PRDM16: variants seen among roughly 807,000 people sequenced by gnomAD.
The protein encoded by PRDM16 is PR/SET domain 16.
In PRDM16, 23 loss-of-function variants were observed where a neutral mutation model predicts 110.6. The observed-to-expected ratio is 0.21, with a 90% CI of 0.15 to 0.29. The LOEUF is 0.29. Among genes scored for constraint, PRDM16 ranks in the 10% least tolerant of loss-of-function variants. PRDM16 has a pLI of 1.00. For missense variants in PRDM16, 1,615 were observed against 1,794.3 expected, an observed-to-expected ratio of 0.90 and a Z score of 1.81; for synonymous variants, 799 against 781.8, an observed-to-expected ratio of 1.02 and a Z score of -0.37.
chr1:3,164,876 G>T (rs552894316), intron 1 of PRDM16, among the ~76,000 whole-genome samples: 1 of 152,278 alleles, frequency 6.6e-6, no homozygotes, highest in Admixed American at 6.5e-5. Context: ...GGGAGATGCA[G>T]GTGGGAAGGC....
At chr1:3,236,087 C>T (rs888635365) in intron 2 of PRDM16, among the ~76,000 whole-genome samples, 2 of 152,060 alleles carry the variant, frequency 1.3e-5, no homozygotes, top group African/African-American at 4.8e-5. Context: ...TCCCTGCAGG[C>T]GCCACCCTCC....
intron 3 of PRDM16, among the ~76,000 whole-genome samples, chr1:3,335,044 A>G (rs1327844085): frequency 6.6e-6 from 1 of 152,254 alleles, no homozygotes; most frequent in Non-Finnish European, 1.5e-5. Context: ...GGGCACAGCC[A>G]GAGAGGACGG....
rs1642047091 is a variant in PRDM16 at position 3,331,818 on chromosome 1, T to A, written c.439-53334T>A. Among the ~76,000 whole-genome samples the A allele has an allele frequency of 3.3e-5, 5 of 152,210 alleles. No homozygotes were observed. In the South Asian group the frequency reaches 1.0e-3, roughly 32 times the overall value. The stretch of plus-strand genomic sequence containing the variant: ...TAGTAGGCTCCCCGCTCGGGTGGAA[T>A]GGCTGTGAGCTGTGGCCCGGCCCCG... On this transcript the variant is annotated intron_variant, in intron 3 of 16. Transcript: ENST00000270722.
chr1:3,381,599 C>A (rs1165682044), intron 3 of PRDM16, among the ~76,000 whole-genome samples: 1 of 152,052 alleles, frequency 6.6e-6, no homozygotes, highest in Non-Finnish European at 1.5e-5. Flanking sequence ...CCATGTTGGC[C>A]AGCCTGGTCT....
intron 3 of PRDM16, among the ~76,000 whole-genome samples, chr1:3,247,015 G>A (rs2455098): frequency 0.019 from 2,871 of 152,212 alleles, 85 homozygotes; most frequent in African/African-American, 0.063. Context: ...TGTGCGCACC[G>A]CGGTGCTGTT....
At chr1:3,387,883 T>C (rs1643229036) in intron 4 of PRDM16, among the ~76,000 whole-genome samples, 1 of 152,256 alleles carries the variant, frequency 6.6e-6, no homozygotes, top group African/African-American at 2.4e-5. Flanking sequence ...AGGACATGAC[T>C]TTTAGCAATG....
Position 3,080,796 on chromosome 1 carries a change from C to T in PRDM16, c.37+11500C>T, listed in dbSNP as rs1020429263. ...CCGGGGAAATCTGAGCAGCCACAGG[C>T]GAATCTGGGACGATGGCAGATTGTT... On this transcript the variant is annotated intron_variant, in intron 1 of 16. Coordinates refer to ENST00000270722, the MANE Select transcript of PRDM16 (RefSeq NM_022114.4). The surrounding 1 kb of genome is among the most constrained non-coding windows in gnomAD (Gnocchi z 5.2). 6.6e-5 allele frequency among the ~76,000 whole-genome samples: 10 copies of T among 152,078 alleles called. No individual in the cohort carries two copies. The highest frequency in any genetic ancestry group is 2.4e-4 in the African/African-American group (10 of 41,388).
In PRDM16 at chr1:3,069,310, G is replaced by C. The variant is rs762339046; in HGVS notation, c.37+14G>C. The C allele has an allele frequency of 7.2e-7, 1 of 1,388,032 alleles. No homozygotes were observed. The highest frequency in any genetic ancestry group is 2.4e-4 in the Middle Eastern group (1 of 4,180). The allele number at this position is 1,388,032 out of a possible 1,614,324, so 86.0% of individuals were successfully genotyped here. On this transcript the variant is annotated intron_variant, in intron 1 of 16. Coordinates refer to ENST00000270722, the MANE Select transcript of PRDM16 (RefSeq NM_022114.4). The surrounding 1 kb of genome is among the most constrained non-coding windows in gnomAD (Gnocchi z 6.1). ...AGCTAGCCAAAAGTAAGTCTCCCGC[G>C]CTCGGCCGCGCCGCGCCGCCGGGGC...
intron 2 of PRDM16, among the ~76,000 whole-genome samples, chr1:3,231,794 G>A (rs901344646): frequency 9.9e-5 from 15 of 152,170 alleles, no homozygotes; most frequent in African/African-American, 1.7e-4. Flanking sequence ...TGGAAATCAC[G>A]GGCAGAGCGG....
In PRDM16 at chr1:3,435,052, G is replaced by C. The variant is rs763314842; in HGVS notation, c.*1241G>C. The C allele has an allele frequency of 8.8e-6, 2 of 227,156 alleles. No individual in the cohort carries two copies. The highest frequency in any genetic ancestry group is 1.8e-5 in the Non-Finnish European group (2 of 114,254). 14.1% of individuals were successfully genotyped at this position (227,156 alleles called of 1,614,324 possible). On this transcript the variant is annotated 3_prime_UTR_variant, in exon 17 of 17. Coordinates refer to ENST00000270722, the MANE Select transcript of PRDM16 (RefSeq NM_022114.4). ...AGACACAGCTTGAGAACAGAAGGGC[G>C]TCGGGGGAACCTGCCGCAAGGAGCA...
intron 3 of PRDM16, among the ~76,000 whole-genome samples, chr1:3,317,991 GAA>G (rs1013263196): frequency 6.6e-6 from 1 of 152,194 alleles, no homozygotes; most frequent in Non-Finnish European, 1.5e-5. Context: ...TCACAATAAA[GAA>G]GGGTTTGAGA....
rs78718076 is a variant in PRDM16 at position 3,252,187 on chromosome 1, C to G, written c.438+8050C>G. On this transcript the variant is annotated intron_variant, in intron 3 of 16. Coordinates refer to ENST00000270722, the MANE Select transcript of PRDM16 (RefSeq NM_022114.4). ...CTTCCTGAGCCCTATCTCCCTGTAG[C>G]TAGGTGCCCAATGGCCTGAGCATAC... 0.015 allele frequency among the ~76,000 whole-genome samples: 2,358 copies of G among 152,322 alleles called. 130 individuals are homozygous for G. In the East Asian group the frequency reaches 0.17, roughly 11 times the overall value.
intron 3 of PRDM16, among the ~76,000 whole-genome samples, chr1:3,354,058 T>C (rs2100544080): frequency 6.6e-6 from 1 of 152,322 alleles, no homozygotes; most frequent in Non-Finnish European, 1.5e-5. Flanking sequence ...TCCAGGCACT[T>C]GTCTCCCGTG....
chr1:3,414,028 A>T (rs1233595184), intron 9 of PRDM16, among the ~76,000 whole-genome samples: 2 of 152,188 alleles, frequency 1.3e-5, no homozygotes, highest in Non-Finnish European at 2.9e-5. Flanking sequence ...ACACACGGGC[A>T]GCACACCCCG....
intron 1 of PRDM16, among the ~76,000 whole-genome samples, chr1:3,094,661 T>G (rs1642353878): frequency 6.6e-6 from 1 of 152,246 alleles, no homozygotes; most frequent in Non-Finnish European, 1.5e-5. Flanking sequence ...TTTTGCTTAT[T>G]GGTGTGAACA....
In PRDM16 at chr1:3,393,935, C is replaced by A. The variant is rs189868443; in HGVS notation, c.574-2556C>A. ...GTGGCTCCAAGTCCCATGGCCAAGG[C>A]GCCCTCCTCCTGCAGGTCCAGGGCC... On this transcript the variant is annotated intron_variant, in intron 4 of 16. Transcript: ENST00000270722. Among the ~76,000 whole-genome samples, 1,204 of 152,290 alleles carry A rather than the reference C, an allele frequency of 7.9e-3. 12 individuals are homozygous for A. The highest frequency in any genetic ancestry group is 0.028 in the African/African-American group (1,158 of 41,576).
At position 3,224,244 on chromosome 1, in the gene PRDM16, T is replaced by C. The variant is rs573254564; in HGVS notation, c.388-19843T>C. Among the ~76,000 whole-genome samples, 10 of 152,330 alleles carry C rather than the reference T, an allele frequency of 6.6e-5. No homozygotes were observed. The South Asian group carries it at 2.1e-3, about 32-fold the overall frequency. On this transcript the variant is annotated intron_variant, in intron 2 of 16. Coordinates refer to ENST00000270722, the MANE Select transcript of PRDM16 (RefSeq NM_022114.4). ...AATGCTGCGAAGATAAAGGATTTTATATCGTGCACAAAAAAGCAATCAAAT... is the reference window on the plus strand; with the variant it reads ...AATGCTGCGAAGATAAAGGATTTTACATCGTGCACAAAAAAGCAATCAAAT...
At chr1:3,293,359 A>G (rs1553291) in intron 3 of PRDM16, among the ~76,000 whole-genome samples, 107,049 of 152,186 alleles carry the variant, frequency 0.7, 38,177 homozygotes, top group African/African-American at 0.79. Flanking sequence ...GTGTCAGCAC[A>G]TAACCTTTGA....
intron 12 of PRDM16, among the ~76,000 whole-genome samples, chr1:3,423,610 G>A (rs763671956): frequency 5.3e-5 from 8 of 152,188 alleles, no homozygotes; most frequent in African/African-American, 9.7e-5. Context: ...GCTCTGGAGC[G>A]GGCCACCGGC....
Sources: gnomAD v4.1 joint callset for allele counts (sites outside exome capture counted in the v4.1 genomes callset) on GRCh38, gnomAD v4.1.1 for gene constraint, Gnocchi (gnomAD v3.1) non-coding constraint, MANE v1.5 for transcripts, NCBI Gene and HGNC (gene_info 2026-07-23, HGNC 2026-07-21) for gene names.